The following TMEM272 variants were observed in gnomAD, a reference collection of about 807,000 sequenced individuals.
TMEM272 encodes long intergenic non-protein coding RNA 282.
A neutral mutation model predicts 3.7 loss-of-function variants in TMEM272; 8 were observed. The ratio of observed to expected loss-of-function variants is 2.17; its 90% CI spans 1.27 to 3.91. TMEM272 has a LOEUF of 3.91. Ranked by LOEUF, TMEM272 falls within the 30% of genes most tolerant of loss-of-function variation. The probability of loss-of-function intolerance (pLI) is 0.00; values close to 1 mark genes in which losing one functional copy is unlikely to be tolerated. For synonymous variants in TMEM272, 63 were observed against 39.8 expected (o/e 1.58, Z -2.20); for missense variants, 166 against 91.5 (o/e 1.81, Z -3.32).
the TMEM272 span, among the ~76,000 whole-genome samples, chr13:51,881,722 G>A: frequency 6.6e-6 from 1 of 152,158 alleles, no homozygotes; most frequent in Non-Finnish European, 1.5e-5. Context: ...CTCCCACCAT[G>A]TGAGGGGGCA....
the TMEM272 span, among the ~76,000 whole-genome samples, chr13:51,850,292 A>C: frequency 6.6e-6 from 1 of 152,150 alleles, no homozygotes; most frequent in African/African-American, 2.4e-5. Flanking sequence ...TTTCCTTATA[A>C]TATTTATACT....
the TMEM272 span, among the ~76,000 whole-genome samples, chr13:51,904,127 T>C: frequency 1.1e-4 from 17 of 152,290 alleles, no homozygotes; most frequent in East Asian, 3.1e-3. Flanking sequence ...CTGCTTCTCA[T>C]TCACCATCAG....
chr13:51,852,824 A>G, the TMEM272 span, among the ~76,000 whole-genome samples: 1 of 150,838 alleles, frequency 6.6e-6, no homozygotes, highest in Admixed American at 6.6e-5. Flanking sequence ...GGATGCAGTG[A>G]GCCAAGATCG....
intron 2 of TMEM272, among the ~76,000 whole-genome samples, chr13:51,834,814 T>C (rs1048370692): frequency 6.6e-6 from 1 of 152,220 alleles, no homozygotes; most frequent in Admixed American, 6.5e-5. Flanking sequence ...GTCCGTTTCA[T>C]TGAGTTATCC....
chr13:51,889,574 G>T, the TMEM272 span, among the ~76,000 whole-genome samples: 2 of 152,134 alleles, frequency 1.3e-5, no homozygotes, highest in African/African-American at 2.4e-5. Context: ...TTCTAGAACT[G>T]TGAGAAAATA....
At chr13:51,845,444 T>C (rs1048158406), upstream of TMEM272, among the ~76,000 whole-genome samples, 1 of 152,142 alleles carries the variant, frequency 6.6e-6, no homozygotes, top group East Asian at 1.9e-4. Context: ...TGCATGTTGG[T>C]GGCACACGAG....
intron 2 of TMEM272, among the ~76,000 whole-genome samples, chr13:51,831,050 G>A (rs1219328080): frequency 6.6e-6 from 1 of 152,198 alleles, no homozygotes; most frequent in East Asian, 1.9e-4. Context: ...TCAGAGCCAT[G>A]ACTCTCAGGG....
At chr13:51,921,500 C>G in the TMEM272 span, 26 of 152,386 alleles carry the variant, frequency 1.7e-4, no homozygotes. Flanking sequence ...GCAGTTCCTG[C>G]AAGTCTACCT....
chr13:51,863,705 ACAC>A, the TMEM272 span, among the ~76,000 whole-genome samples: 191 of 127,910 alleles, frequency 1.5e-3, no homozygotes, highest in Admixed American at 7.6e-3. Context: ...ACACACACAC[ACAC>A]ACCAGCTATG....
At chr13:51,864,381 C>G in the TMEM272 span, among the ~76,000 whole-genome samples, 1 of 152,218 alleles carries the variant, frequency 6.6e-6, no homozygotes, top group Non-Finnish European at 1.5e-5. Context: ...AACTATTACT[C>G]TGACTTTGGG....
chr13:51,846,494 TAAAA>T (rs963694273), upstream of TMEM272, among the ~76,000 whole-genome samples: 1 of 145,004 alleles, frequency 6.9e-6, no homozygotes, highest in African/African-American at 2.6e-5. Flanking sequence ...TTTACAGTAA[TAAAA>T]AACAACGAAG....
At chr13:51,821,057 T>G (rs1190289524) in intron 4 of TMEM272, among the ~76,000 whole-genome samples, 1 of 152,206 alleles carries the variant, frequency 6.6e-6, no homozygotes, top group African/African-American at 2.4e-5. Flanking sequence ...CTTTGATGTC[T>G]TAGATCAACA....
upstream of TMEM272, among the ~76,000 whole-genome samples, chr13:51,846,416 A>C (rs1956306034): frequency 6.6e-6 from 1 of 152,260 alleles, no homozygotes; most frequent in Non-Finnish European, 1.5e-5. Flanking sequence ...ATGTTGGTGT[A>C]AACAAACCTA....
At chr13:51,871,266 C>T in the TMEM272 span, among the ~76,000 whole-genome samples, 141 of 151,120 alleles carry the variant, frequency 9.3e-4, no homozygotes, top group Non-Finnish European at 1.5e-3. Context: ...TCTCGGCTCA[C>T]TGCAAGCTCC....
chr13:51,923,677 G>GA, the TMEM272 span, among the ~76,000 whole-genome samples: 1 of 32,878 alleles, frequency 3.0e-5, no homozygotes, highest in Non-Finnish European at 4.9e-5. Context: ...AAAGGAAGAT[G>GA]AAGGAGAGAA....
chr13:51,839,258 T>C (rs746249018), intron 1 of TMEM272, among the ~76,000 whole-genome samples: 1 of 152,202 alleles, frequency 6.6e-6, no homozygotes, highest in Non-Finnish European at 1.5e-5. Context: ...AACAGCCATA[T>C]ACATTTTAAA....
At chr13:51,866,165 T>C in the TMEM272 span, 1 of 1,109,484 alleles carries the variant, frequency 9.0e-7, no homozygotes, top group Non-Finnish European at 1.3e-6. Flanking sequence ...CTGGAGAAAA[T>C]ACACACTCAT....
At chr13:51,887,967 C>A in the TMEM272 span, among the ~76,000 whole-genome samples, 18 of 152,244 alleles carry the variant, frequency 1.2e-4, no homozygotes, top group Non-Finnish European at 2.5e-4. Context: ...CATCTTTAAA[C>A]ATATACACAC....
intron 3 of TMEM272, among the ~76,000 whole-genome samples, chr13:51,824,825 C>T (rs1467664260): frequency 1.3e-5 from 2 of 152,092 alleles, no homozygotes; most frequent in Non-Finnish European, 2.9e-5. Context: ...TGGTGGTGGG[C>T]GCCTGTAATC....
Sources: allele counts gnomAD v4.1 joint callset (sites outside exome capture counted in the v4.1 genomes callset), GRCh38; gene constraint gnomAD v4.1.1; transcripts MANE v1.5; gene names NCBI Gene and HGNC (gene_info 2026-07-23, HGNC 2026-07-21).